The following SYT2 variants were observed in gnomAD, a reference collection of about 807,000 sequenced individuals.
The protein encoded by SYT2 is synaptotagmin 2.
A neutral mutation model predicts 39.9 loss-of-function variants in SYT2; 15 were observed. The observed-to-expected ratio is 0.38, with a 90% CI of 0.25 to 0.58. The LOEUF (loss-of-function observed/expected upper bound fraction) is 0.58. SYT2 is among the 20% of genes least tolerant of loss of function. The pLI, the probability that SYT2 is intolerant of heterozygous loss-of-function variation, is 0.70. For missense variants in SYT2, 389 were observed against 530.3 expected, an observed-to-expected ratio of 0.73 and a Z score of 2.62; for synonymous variants, 181 against 204.5, an observed-to-expected ratio of 0.89 and a Z score of 0.98.
intron 1 of SYT2, among the ~76,000 whole-genome samples, chr1:202,659,802 G>C (rs1474047203): frequency 6.6e-6 from 1 of 152,168 alleles, no homozygotes; most frequent in Non-Finnish European, 1.5e-5. Flanking sequence ...AGCCCAGGGA[G>C]AGGTGCTGCC....
chr1:202,651,088 G>A (rs1049765069), intron 1 of SYT2, among the ~76,000 whole-genome samples: 6 of 152,142 alleles, frequency 3.9e-5, no homozygotes, highest in Admixed American at 2.6e-4. Context: ...CGGGCACAGC[G>A]GAAGGCTTGA....
At chr1:202,662,150 A>G (rs1692393620) in intron 1 of SYT2, among the ~76,000 whole-genome samples, 1 of 152,224 alleles carries the variant, frequency 6.6e-6, no homozygotes, top group African/African-American at 2.4e-5. Context: ...GGAATTACCC[A>G]AGCACATGGT....
intron 1 of SYT2, among the ~76,000 whole-genome samples, chr1:202,673,065 ATATTT>A (rs1653214549): frequency 6.6e-6 from 1 of 152,118 alleles, no homozygotes; most frequent in South Asian, 2.1e-4. Flanking sequence ...CTAAATGAAA[ATATTT>A]TTCATTTCTT....
At chr1:202,706,398 C>A (rs2102180652) in intron 1 of SYT2, among the ~76,000 whole-genome samples, 1 of 152,158 alleles carries the variant, frequency 6.6e-6, no homozygotes, top group African/African-American at 2.4e-5. Flanking sequence ...AAGGAGCACG[C>A]AGGCCACCCA....
At chr1:202,625,835 C>T (rs1349369176) in intron 1 of SYT2, among the ~76,000 whole-genome samples, 3 of 151,816 alleles carry the variant, frequency 2.0e-5, no homozygotes, top group South Asian at 2.1e-4. Flanking sequence ...ATCTGCTAGC[C>T]GGCAGCACCG....
At chr1:202,629,317 C>T (rs911917573) in intron 1 of SYT2, among the ~76,000 whole-genome samples, 13 of 152,164 alleles carry the variant, frequency 8.5e-5, no homozygotes, top group Non-Finnish European at 1.8e-4. Flanking sequence ...CCCCTGTGTC[C>T]AGATACTGCC....
chr1:202,708,305 G>A (rs1356909421), intron 1 of SYT2, among the ~76,000 whole-genome samples: 1 of 152,134 alleles, frequency 6.6e-6, no homozygotes, highest in African/African-American at 2.4e-5. Context: ...TCCCAGCAGA[G>A]TGGTCTGGTC....
chr1:202,673,012 C>T (rs1015463502), intron 1 of SYT2, among the ~76,000 whole-genome samples: 1 of 152,042 alleles, frequency 6.6e-6, no homozygotes, highest in East Asian at 1.9e-4. Flanking sequence ...GCAGTACAGG[C>T]TCCAGCTGTC....
chr1:202,623,316 C>T lies in SYT2; in HGVS notation c.-17-17527G>A, dbSNP rs180915459. On this transcript the variant is annotated intron_variant, in intron 1 of 8. Coordinates refer to ENST00000367268, the MANE Select transcript of SYT2 (RefSeq NM_177402.5). This position sits in a 1 kb window ranked among gnomAD's most constrained non-coding sequence, Gnocchi z 4.2. ...AGAAGCTGCTGAGTCACAGTCCAGCCGCCTGGCCAGCCCTGAGCTGCCTGC... is the reference window on the plus strand; with the variant it reads ...AGAAGCTGCTGAGTCACAGTCCAGCTGCCTGGCCAGCCCTGAGCTGCCTGC... Among the ~76,000 whole-genome samples the T allele has an allele frequency of 2.6e-5, 4 of 152,222 alleles. No individual in the cohort carries two copies. The highest frequency in any genetic ancestry group is 1.3e-4 in the Admixed American group (2 of 15,294).
chr1:202,683,057 C>G (rs1163230687), intron 1 of SYT2, among the ~76,000 whole-genome samples: 1 of 152,114 alleles, frequency 6.6e-6, no homozygotes, highest in Admixed American at 6.5e-5. Context: ...ATGCCATGTA[C>G]GCCCACCAGA....
At chr1:202,698,147 C>G (rs1654022639) in intron 1 of SYT2, among the ~76,000 whole-genome samples, 1 of 152,020 alleles carries the variant, frequency 6.6e-6, no homozygotes, top group Non-Finnish European at 1.5e-5. Context: ...CTCAAGTGAC[C>G]CCTCTCACCA....
At chr1:202,657,588 C>A (rs917733294) in intron 1 of SYT2, among the ~76,000 whole-genome samples, 1 of 152,154 alleles carries the variant, frequency 6.6e-6, no homozygotes, top group Non-Finnish European at 1.5e-5. Context: ...CTCCCTCACA[C>A]TGGAGAGCTG....
intron 1 of SYT2, among the ~76,000 whole-genome samples, chr1:202,702,117 C>A (rs1226521795): frequency 6.6e-6 from 1 of 152,158 alleles, no homozygotes; most frequent in African/African-American, 2.4e-5. Context: ...GTGGTGAGGA[C>A]CTGGGCTTCT....
intron 1 of SYT2, among the ~76,000 whole-genome samples, chr1:202,692,597 C>T (rs1424550969): frequency 6.6e-6 from 1 of 152,254 alleles, no homozygotes; most frequent in Non-Finnish European, 1.5e-5. Context: ...ATCATGGACA[C>T]TCAGGCTCAG....
chr1:202,654,687 C>G (rs1692249809), intron 1 of SYT2, among the ~76,000 whole-genome samples: 1 of 152,162 alleles, frequency 6.6e-6, no homozygotes, highest in Non-Finnish European at 1.5e-5. Context: ...ACAACCAGCA[C>G]TATGGAGTGT....
chr1:202,618,206 G>A (rs140052042), intron 1 of SYT2, among the ~76,000 whole-genome samples: 2 of 152,248 alleles, frequency 1.3e-5, no homozygotes, highest in African/African-American at 4.8e-5. Flanking sequence ...TTGAGATTGG[G>A]TCACATTATG....
Position 202,599,392 on chromosome 1 carries a change from GC to G in SYT2, c.920-42del. ...CCCAACCCCAGAGAGGTTCCCCTTA[GC>G]CCCCAGCCTTCCTGCCGAATGTACC... On this transcript the variant is annotated intron_variant, in intron 7 of 8. Transcript: ENST00000367268. This position sits in a 1 kb window ranked among gnomAD's most constrained non-coding sequence, Gnocchi z 4.4. The G allele has an allele frequency of 6.4e-7, 1 of 1,554,710 alleles. No homozygotes were observed. Among genetic ancestry groups the G allele is most frequent in the East Asian group, 2.4e-5 (1 of 42,378 alleles).
intron 1 of SYT2, among the ~76,000 whole-genome samples, chr1:202,666,469 G>A (rs984902190): frequency 6.6e-6 from 1 of 152,186 alleles, no homozygotes; most frequent in African/African-American, 2.4e-5. Context: ...AATGTACAGA[G>A]AGGAGAGGGT....
At chr1:202,656,594 C>G (rs760538264) in intron 1 of SYT2, among the ~76,000 whole-genome samples, 1 of 152,158 alleles carries the variant, frequency 6.6e-6, no homozygotes, top group African/African-American at 2.4e-5. Context: ...GAAATAATGC[C>G]TTTTTTGGCA....
Sources: allele counts gnomAD v4.1 joint callset (sites outside exome capture counted in the v4.1 genomes callset), GRCh38; gene constraint gnomAD v4.1.1; non-coding constraint Gnocchi (gnomAD v3.1); transcripts MANE v1.5; gene names NCBI Gene and HGNC (gene_info 2026-07-23, HGNC 2026-07-21).